The following WAPL variants were observed in gnomAD, a reference collection of about 807,000 sequenced individuals.
WAPL encodes the protein WAPL cohesin release factor.
Under a neutral mutation model 121.0 loss-of-function variants are expected in WAPL, and 5 were observed. The ratio of observed to expected loss-of-function variants is 0.04; its 90% confidence interval spans 0.02 to 0.09. The LOEUF (loss-of-function observed/expected upper bound fraction) is 0.09, where lower values mean the gene tolerates loss of function less well. WAPL is among the 10% of genes least tolerant of loss of function. WAPL has a pLI of 1.00. For synonymous variants in WAPL, 480 were observed against 481.5 expected (o/e 1.00, Z 0.04); for missense variants, 999 against 1,410.8 (o/e 0.71, Z 4.68).
chr10:86,487,402 A>G (rs770099336), intron 4 of WAPL, among the ~76,000 whole-genome samples: 1 of 152,116 alleles, frequency 6.6e-6, no homozygotes, highest in Non-Finnish European at 1.5e-5. Flanking sequence ...TTTCAACCCT[A>G]TTTATCAAAT....
intron 17 of WAPL, among the ~76,000 whole-genome samples, chr10:86,441,875 C>T (rs1168388475): frequency 6.6e-6 from 1 of 152,160 alleles, no homozygotes; most frequent in East Asian, 1.9e-4. Flanking sequence ...CAGAAATGAT[C>T]TGAGTCTCTG....
In WAPL at chr10:86,467,516, G is replaced by A; in HGVS notation, c.2143-10C>T. 6.4e-7 allele frequency: 1 copy of A among 1,573,470 alleles called. No individual in the cohort carries two copies. The highest frequency in any genetic ancestry group is 2.0e-5 in the Admixed American group (1 of 51,234). On this transcript the variant is annotated splice_polypyrimidine_tract_variant and intron_variant, in intron 8 of 18. Transcript: ENST00000298767. ...TACAGAGGGACAGATTCTTCAACAG[G>A]CCAAAAAAAGAAAAGAAAAAAAACT... is the stretch of plus-strand genomic sequence containing the variant.
rs767056651 is a variant in WAPL, at chr10:86,473,884, A to T, written c.1734T>A (p.Ser578Arg). The T allele has an allele frequency of 1.2e-6, 2 of 1,612,242 alleles. No individual in the cohort carries two copies. The highest frequency in any genetic ancestry group is 4.5e-5 in the East Asian group (2 of 44,830). ...LPGPPVVKPQ[S>R]VTVRLSSKEP... ...ATAAGTACAGTTCACTTACTGTGAC[A>T]CTCTGAGGTTTTACTACTGGTGGCC... Residue 578 changes from serine to arginine, a missense_variant, in exon 5 of 19, where the codon AGT becomes AGA. By Grantham distance (110) the Ser-to-Arg change is moderately radical. Around this residue, in one of 7 missense-constraint regions of WAPL, gnomAD observed 74 missense variants for 115.1 expected, o/e 0.64. Coordinates refer to ENST00000298767, the MANE Select transcript of WAPL (RefSeq NM_015045.5).
chr10:86,452,253 T>G, intron 14 of WAPL, 122 bp from the exon 15 acceptor site: 2 of 857,232 alleles, frequency 2.3e-6, no homozygotes, highest in East Asian at 2.9e-5. Flanking sequence ...ACCTACAAAA[T>G]GGCTAAAAAC....
intron 8 of WAPL, 47 bp downstream of exon 8, chr10:86,470,945 G>A (rs756913161): frequency 6.8e-7 from 1 of 1,474,520 alleles, no homozygotes; most frequent in Admixed American, 1.7e-5. Context: ...AAATAGACTA[G>A]TAGTTTTCAA....
chr10:86,475,831 C>T (rs1030573863), intron 4 of WAPL, among the ~76,000 whole-genome samples: 1 of 152,246 alleles, frequency 6.6e-6, no homozygotes, highest in East Asian at 1.9e-4. Context: ...CTGGTAACAA[C>T]AGCCTTTTGG....
intron 4 of WAPL, among the ~76,000 whole-genome samples, chr10:86,487,009 T>C (rs926295809): frequency 2.0e-5 from 3 of 151,694 alleles, no homozygotes; most frequent in Admixed American, 6.6e-5. Context: ...GAAACTGAGA[T>C]TGACGTTATG....
chr10:86,517,111 A>C (rs1842569619), intron 2 of WAPL, among the ~76,000 whole-genome samples: 1 of 152,170 alleles, frequency 6.6e-6, no homozygotes, highest in South Asian at 2.1e-4. Context: ...TTTGGAATCA[A>C]GTTCAATTCT....
chr10:86,512,368 A>G (rs1842481084), intron 2 of WAPL, among the ~76,000 whole-genome samples: 1 of 152,266 alleles, frequency 6.6e-6, no homozygotes, highest in South Asian at 2.1e-4. Context: ...CAGGATATGT[A>G]GACTGAATCC....
intron 15 of WAPL, among the ~76,000 whole-genome samples, chr10:86,447,870 T>C (rs1053412142): frequency 6.6e-5 from 10 of 151,364 alleles, no homozygotes; most frequent in African/African-American, 2.4e-4. Flanking sequence ...GCAAACACAG[T>C]GAAACCACCT....
At chr10:86,509,809 G>A (rs1291148684) in intron 2 of WAPL, among the ~76,000 whole-genome samples, 1 of 150,330 alleles carries the variant, frequency 6.7e-6, no homozygotes, top group Non-Finnish European at 1.5e-5. Flanking sequence ...CAGTCACCCA[G>A]GCTGGAGTGC....
chr10:86,498,188 A>C (rs1253625474), intron 3 of WAPL, among the ~76,000 whole-genome samples: 1 of 152,216 alleles, frequency 6.6e-6, no homozygotes, highest in African/African-American at 2.4e-5. Flanking sequence ...ATTGCAGGGG[A>C]TAACTTGCTA....
intron 9 of WAPL, among the ~76,000 whole-genome samples, chr10:86,465,859 CAAT>C (rs1841385124): frequency 6.6e-6 from 1 of 152,046 alleles, no homozygotes; most frequent in African/African-American, 2.4e-5. Flanking sequence ...GAACAGTAGA[CAAT>C]AATAAATGTT....
chr10:86,464,282 CTATT>C (rs1164392227), intron 9 of WAPL, among the ~76,000 whole-genome samples: 4 of 152,136 alleles, frequency 2.6e-5, no homozygotes, highest in African/African-American at 9.7e-5. Flanking sequence ...TATGAGTAAA[CTATT>C]TAATAGAGTG....
intron 4 of WAPL, 145 bp downstream of exon 4, chr10:86,497,056 T>C (rs1842163383): frequency 3.2e-6 from 2 of 630,114 alleles, no homozygotes; most frequent in South Asian, 2.2e-5. Flanking sequence ...TTTTAAAAAA[T>C]GGTTATATCT....
chr10:86,445,448 T>A (rs754365904), intron 16 of WAPL, among the ~76,000 whole-genome samples: 1 of 152,118 alleles, frequency 6.6e-6, no homozygotes, highest in South Asian at 2.1e-4. Context: ...CTTGTATAAA[T>A]GGCAAAAGTT....
intron 11 of WAPL, among the ~76,000 whole-genome samples, chr10:86,459,600 TTC>T (rs1841223996): frequency 6.6e-6 from 1 of 152,212 alleles, no homozygotes; most frequent in South Asian, 2.1e-4. Context: ...GGTTAAGTCT[TTC>T]GTAAGAGTCA....
intron 12 of WAPL, among the ~76,000 whole-genome samples, chr10:86,458,152 T>C (rs139924489): frequency 6.6e-6 from 1 of 152,290 alleles, no homozygotes; most frequent in African/African-American, 2.4e-5. Context: ...GAATCAGAGA[T>C]TTGAGAAATT....
At chr10:86,457,380 C>A (rs988477527) in intron 12 of WAPL, among the ~76,000 whole-genome samples, 1 of 148,694 alleles carries the variant, frequency 6.7e-6, no homozygotes, top group Admixed American at 6.7e-5. Flanking sequence ...AGGCCAGGCA[C>A]GGTGGCTCAC....
Sources: gnomAD v4.1 joint callset for allele counts (sites outside exome capture counted in the v4.1 genomes callset) on GRCh38, gnomAD v4.1.1 for gene constraint, gnomAD v4.1.1 regional missense constraint, MANE v1.5 for transcripts, NCBI Gene and HGNC (gene_info 2026-07-23, HGNC 2026-07-21) for gene names.